Variants in TSPAN10 observed in about 807,000 individuals in gnomAD.
TSPAN10 encodes the protein tetraspanin 10.
Under a neutral mutation model 15.0 loss-of-function variants are expected in TSPAN10, and 11 were observed. The ratio of observed to expected loss-of-function variants is 0.73; its 90% CI spans 0.46 to 1.21. The LOEUF (loss-of-function observed/expected upper bound fraction) is 1.21, where lower values mean the gene tolerates loss of function less well. TSPAN10 is among the 50% of genes most tolerant of loss of function. TSPAN10 has a pLI of 0.00. For synonymous variants in TSPAN10, 241 were observed against 226.2 expected, an observed-to-expected ratio of 1.07 and a Z score of -0.59; for missense variants, 486 against 470.6, an observed-to-expected ratio of 1.03 and a Z score of -0.30.
chr17:81,637,668 T>A, upstream of TSPAN10: 1 of 350,484 alleles, frequency 2.9e-6, no homozygotes, highest in Non-Finnish European at 5.3e-6. Context: ...ACGCGGTGGC[T>A]CACGCCTGTA....
At chr17:81,645,402 G>C (rs770927746) in exon 2 of TSPAN10, 1 of 1,603,534 alleles carries the variant, frequency 6.2e-7, no homozygotes, top group Non-Finnish European at 8.5e-7. Flanking sequence ...ACACCTGCCT[G>C]TTACGTGGCT....
At chr17:81,639,848 C>T (rs1441876469), upstream of TSPAN10, among the ~76,000 whole-genome samples, 17 of 151,838 alleles carry the variant, frequency 1.1e-4, no homozygotes, top group Non-Finnish European at 1.8e-4. Context: ...GGCGTGGTGG[C>T]GGGTGCCTGT....
chr17:81,647,362 C>T, intron 2 of TSPAN10: 1 of 453,470 alleles, frequency 2.2e-6, no homozygotes, highest in South Asian at 1.6e-5. Context: ...ATGCCTAGGG[C>T]ACCTGGGGAC....
exon 3 of TSPAN10, chr17:81,648,071 C>T (rs1389122827): frequency 1.3e-6 from 2 of 1,592,252 alleles, no homozygotes; most frequent in Non-Finnish European, 1.7e-6. Flanking sequence ...TGCGGCCCGC[C>T]GCTCCGGCGG....
chr17:81,648,145 G>T (rs1386172939), exon 3 of TSPAN10: 5 of 1,504,302 alleles, frequency 3.3e-6, no homozygotes, highest in Non-Finnish European at 4.4e-6. Context: ...GCTGCAGGGC[G>T]CGGAGCTCCT....
In TSPAN10 at chr17:81,647,480, C is replaced by T. The variant is rs777919102; in HGVS notation, c.675-421C>T. On this transcript the variant is annotated intron_variant, in intron 2 of 2. Transcript: ENST00000611590. ...AGGTACTGCCTCTCAAGCCCTTGCT[C>T]TTCCCAGTAAGACCTGTGGACCATT... 91 of 473,368 alleles carry T rather than the reference C, an allele frequency of 1.9e-4. 1 individual carries two copies. Among genetic ancestry groups the T allele is most frequent in the South Asian group, 1.3e-3 (85 of 64,728 alleles). The allele number at this position is 473,368 out of a possible 1,614,324, so 29.3% of individuals were successfully genotyped here.
downstream of TSPAN10, chr17:81,648,356 TA>T: frequency 8.4e-7 from 1 of 1,188,548 alleles, no homozygotes. Context: ...TCCGCCCGGC[TA>T]AAAAGCGCGG....
chr17:81,644,935 C>T, intron 1 of TSPAN10, 57 bp from the exon 3 acceptor site: 1 of 1,597,270 alleles, frequency 6.3e-7, no homozygotes, highest in Non-Finnish European at 8.5e-7. Context: ...GACCCCTCAC[C>T]AGTTGTCACA....
At chr17:81,645,257 G>T (rs773152786) in exon 2 of TSPAN10, 16 of 1,533,622 alleles carry the variant, frequency 1.0e-5, no homozygotes, top group Non-Finnish European at 1.4e-5. Flanking sequence ...GGGCTCTGGG[G>T]CCTGGCTGTC....
chr17:81,645,675 G>A (rs773057011), intron 2 of TSPAN10, 46 bp downstream of exon 3: 9 of 1,602,948 alleles, frequency 5.6e-6, no homozygotes, highest in Non-Finnish European at 5.9e-6. Context: ...CAGGGTCGCA[G>A]AGGCCACACA....
At chr17:81,642,339 G>A (rs780108514), upstream of TSPAN10, 5 of 1,584,404 alleles carry the variant, frequency 3.2e-6, no homozygotes, top group Admixed American at 1.7e-5. Context: ...GACCAGCCCA[G>A]CAGCCCAGCC....
upstream of TSPAN10, among the ~76,000 whole-genome samples, chr17:81,639,646 C>G (rs1170883780): frequency 6.6e-6 from 1 of 151,592 alleles, no homozygotes; most frequent in East Asian, 1.9e-4. Context: ...GCCTGTCATC[C>G]CAGCGCGGTG....
chr17:81,645,417 T>C (rs7210193), exon 2 of TSPAN10: 705,944 of 1,602,320 alleles, frequency 0.44, 170,581 homozygotes, highest in East Asian at 1. Flanking sequence ...GTGGCTTCTC[T>C]GGGGGCATCC....
At chr17:81,640,597 C>T (rs901956546), upstream of TSPAN10, among the ~76,000 whole-genome samples, 1 of 152,016 alleles carries the variant, frequency 6.6e-6, no homozygotes, top group Non-Finnish European at 1.5e-5. Context: ...TACAGGCATG[C>T]GCCACGATGC....
intron 2 of TSPAN10, chr17:81,646,524 G>T (rs2036255656): frequency 6.6e-6 from 1 of 151,028 alleles, no homozygotes; most frequent in African/African-American, 2.4e-5. Flanking sequence ...CTAAAAAATA[G>T]AAAAAATTAG....
exon 2 of TSPAN10, chr17:81,645,298 C>G (rs753180923): frequency 2.6e-6 from 4 of 1,538,122 alleles, no homozygotes; most frequent in Non-Finnish European, 3.5e-6. Context: ...TCTGGGGGGG[C>G]CCCTGCCCGC....
At chr17:81,645,203 C>T (rs760901010) in exon 2 of TSPAN10, 1 of 1,544,688 alleles carries the variant, frequency 6.5e-7, no homozygotes, top group Non-Finnish European at 8.7e-7. Context: ...ATCTTCCTCT[C>T]CAACTTCCCC....
upstream of TSPAN10, chr17:81,639,101 T>A (rs912416159): frequency 2.6e-5 from 4 of 152,102 alleles, no homozygotes; most frequent in African/African-American, 9.7e-5. Context: ...CAAGATGGGT[T>A]CAGTTAAGTC....
chr17:81,642,715 G>C (rs1387261084), intron 1 of TSPAN10, among the ~76,000 whole-genome samples: 1 of 152,198 alleles, frequency 6.6e-6, no homozygotes, highest in Non-Finnish European at 1.5e-5. Context: ...GGCTCAGGGT[G>C]CAGGAGGGGG....
Sources: gnomAD v4.1 joint callset for allele counts (sites outside exome capture counted in the v4.1 genomes callset) on GRCh38, gnomAD v4.1.1 for gene constraint, MANE v1.5 for transcripts, NCBI Gene and HGNC (gene_info 2026-07-23, HGNC 2026-07-21) for gene names.